The following LRRC41 variants were observed in gnomAD, a reference collection of about 807,000 sequenced individuals.
LRRC41 encodes the protein leucine rich repeat containing 41.
In LRRC41, 17 loss-of-function variants were observed where a neutral mutation model predicts 72.1. The ratio of observed to expected loss-of-function variants is 0.24; its 90% CI spans 0.16 to 0.35. The LOEUF (loss-of-function observed/expected upper bound fraction) is 0.35. LRRC41 is among the 10% of genes least tolerant of loss of function. The pLI, the probability that LRRC41 is intolerant of heterozygous loss-of-function variation, is 1.00. For synonymous variants in LRRC41, 427 were observed against 431.0 expected, an observed-to-expected ratio of 0.99 and a Z score of 0.11; for missense variants, 759 against 1,065.0, an observed-to-expected ratio of 0.71 and a Z score of 4.00.
In LRRC41 at chr1:46,278,666, A is replaced by G; in HGVS notation, c.*199T>C. The G allele has an allele frequency of 1.6e-6, 1 of 628,362 alleles. No individual in the cohort carries two copies. The highest frequency in any genetic ancestry group is 2.8e-6 in the Non-Finnish European group (1 of 361,624). 38.9% of individuals were successfully genotyped at this position (628,362 alleles called of 1,614,324 possible). The stretch of plus-strand genomic sequence containing the variant: ...ATACTGAGTAAGGGGCCCAAAGACT[A>G]TAAACCCAGCTGTGAGAATGCCTGT... On this transcript the variant is annotated 3_prime_UTR_variant, in exon 10 of 10. Coordinates refer to ENST00000617190, the MANE Select transcript of LRRC41 (RefSeq NM_006369.5).
chr1:46,279,320 C>A lies in LRRC41; in HGVS notation c.2144-63G>T. ...AGAACAGGGGACAAGGGTATCCCAA[C>A]CCAACTATGGCTGGCAGAACCAGCC... On this transcript the variant is annotated intron_variant, in intron 8 of 9. Transcript: ENST00000617190. This position sits in a 1 kb window ranked among gnomAD's most constrained non-coding sequence, Gnocchi z 4.5. The A allele has an allele frequency of 6.3e-7, 1 of 1,592,190 alleles. No homozygotes were observed. Among genetic ancestry groups the A allele is most frequent in the Non-Finnish European group, 8.6e-7 (1 of 1,160,140 alleles).
In LRRC41 at chr1:46,285,656, G is replaced by A. The variant is rs371380092; in HGVS notation, c.1201C>T (p.Arg401Cys). The stretch of plus-strand genomic sequence containing the variant: ...TCTGCACCAGGCCCCTGACGGGTGC[G>A]AGCACCCTTCTTCCCTGCAGCTCGC... ...FKRAAGKKGA[R>C]TRQGPGAESE... Residue 401 changes from arginine to cysteine, a missense_variant, in exon 4 of 10, where the codon CGC becomes TGC. Arg to Cys is a radical substitution (Grantham distance 180). Around this residue, in one of 4 missense-constraint regions of LRRC41, gnomAD observed 427 missense variants for 520.9 expected, o/e 0.82. Transcript: ENST00000617190. The surrounding 1 kb of genome is among the most constrained non-coding windows in gnomAD (Gnocchi z 5.3). 9.9e-6 allele frequency: 16 copies of A among 1,613,950 alleles called. No individual in the cohort carries two copies. Among genetic ancestry groups the A allele is most frequent in the African/African-American group, 6.7e-5 (5 of 74,912 alleles).
rs777266639 is a variant in LRRC41, at chr1:46,286,045, C to T, written c.812G>A (p.Arg271Gln). The change falls in exon 4 of 10, where the codon CGA becomes CAA. Residue 271 changes from arginine (R) to glutamine (Q), a missense_variant. Arg to Gln is a conservative substitution (Grantham distance 43). This residue lies in a region of LRRC41 where 427 missense variants were observed against 520.9 expected (regional missense o/e 0.82). Transcript: ENST00000617190. The surrounding 1 kb of genome is among the most constrained non-coding windows in gnomAD (Gnocchi z 5.5). ...TTCATCTCGGGATGGGGCCCGGCCT[C>T]GGGAGGCCTCTCCACAGAGGCGGCA... ...PPCRLCGEAS[R>Q]GRAPSRDEGS... The T allele has an allele frequency of 2.8e-5, 44 of 1,596,682 alleles. No individual in the cohort carries two copies. In the South Asian group the frequency reaches 4.6e-4, roughly 17 times the overall value.
intron 2 of LRRC41, 131 bp downstream of exon 2, chr1:46,298,152 GA>G: frequency 1.6e-6 from 1 of 623,836 alleles, no homozygotes; most frequent in Admixed American, 3.1e-5. Context: ...GAATGAGGAA[GA>G]AAAATAGGTG....
In LRRC41 at chr1:46,278,646, G is replaced by A. The variant is rs989916690; in HGVS notation, c.*219C>T. ...CCTGGCCCAGGGTTCCCAGGATACT[G>A]AGTAAGGGGCCCAAAGACTATAAAC... On this transcript the variant is annotated 3_prime_UTR_variant, in exon 10 of 10. Transcript: ENST00000617190. 1.8e-4 allele frequency: 112 copies of A among 613,964 alleles called. No individual in the cohort carries two copies. The highest frequency in any genetic ancestry group is 2.8e-4 in the Non-Finnish European group (100 of 350,954). The allele number at this position is 613,964 out of a possible 1,614,324, so 38.0% of individuals were successfully genotyped here. A position where few individuals can be genotyped will look rare whatever the true frequency, so the allele number is the denominator to read the frequency against.
chr1:46,279,767 TC>T lies in LRRC41; in HGVS notation c.2021-154del, dbSNP rs2148311311. Among the ~76,000 whole-genome samples, 1 of 152,312 alleles carries T rather than the reference TC, an allele frequency of 6.6e-6. No homozygotes were observed. Among genetic ancestry groups the T allele is most frequent in the Non-Finnish European group, 1.5e-5 (1 of 68,028 alleles). The stretch of plus-strand genomic sequence containing the variant: ...GACTCCAAGCAAGGCTGGAACTAAA[TC>T]AGAATCCAAACTAAAGACTGAACCT... On this transcript the variant is annotated intron_variant, in intron 7 of 9. Transcript: ENST00000617190. This position sits in a 1 kb window ranked among gnomAD's most constrained non-coding sequence, Gnocchi z 4.5.
chr1:46,278,623 TG>T lies in LRRC41; in HGVS notation c.*241del. ...AATTATGATGACCACTGTAACCTCC[TG>T]GCCCAGGGTTCCCAGGATACTGAGT... On this transcript the variant is annotated 3_prime_UTR_variant, in exon 10 of 10. Transcript: ENST00000617190. 1 of 607,348 alleles carries T rather than the reference TG, an allele frequency of 1.6e-6. No individual in the cohort carries two copies. 37.6% of individuals were successfully genotyped at this position (607,348 alleles called of 1,614,324 possible). A position where few individuals can be genotyped will look rare whatever the true frequency, so the allele number is the denominator to read the frequency against.
At chr1:46,283,445 C>T (rs976819984) in intron 4 of LRRC41, among the ~76,000 whole-genome samples, 5 of 152,114 alleles carry the variant, frequency 3.3e-5, no homozygotes, top group African/African-American at 1.2e-4. Flanking sequence ...ATGGGGAAAC[C>T]CTGTCCTTAC....
intron 2 of LRRC41, 115 bp downstream of exon 2, chr1:46,298,169 G>T: frequency 1.4e-6 from 1 of 698,174 alleles, no homozygotes; most frequent in Non-Finnish European, 2.4e-6. Flanking sequence ...AGGTGTGAAG[G>T]TACTTTTTGA....
rs144269448 is a variant in LRRC41, at chr1:46,279,051, C to T, written c.2253G>A (p.Glu751=). ...CCCAGCGCTCCAGCCGCTTGGCGAA[C>T]TCCAGAAGCCCATCTGGCTTGATGC... The part of the protein sequence containing the change: ...SNCIKPDGLL[E]FAKRLERWGR... The change falls in exon 10 of 10, where the codon GAG becomes GAA. Residue 751 remains glutamate (E), a synonymous_variant. Transcript: ENST00000617190. This position sits in a 1 kb window ranked among gnomAD's most constrained non-coding sequence, Gnocchi z 4.5. 2.1e-3 allele frequency: 3,373 copies of T among 1,609,960 alleles called. 5 individuals are homozygous for T. Among genetic ancestry groups the T allele is most frequent in the Non-Finnish European group, 2.8e-3 (3,254 of 1,177,992 alleles).
At chr1:46,290,590 T>A (rs1336221753) in intron 3 of LRRC41, among the ~76,000 whole-genome samples, 1 of 152,068 alleles carries the variant, frequency 6.6e-6, no homozygotes, top group African/African-American at 2.4e-5. Context: ...ATACTTGCTG[T>A]ATTTAATATT....
Position 46,303,192 on chromosome 1 carries a change from G to A in LRRC41, c.131C>T (p.Pro44Leu). 3 of 1,575,902 alleles carry A rather than the reference G, an allele frequency of 1.9e-6. No homozygotes were observed. The highest frequency in any genetic ancestry group is 2.3e-5 in the East Asian group (1 of 43,112). The part of the protein sequence containing the change: ...KSSASGPNAP[P>L]ALFELCGRAV... ...CCGCCCGCACAGCTCGAACAGGGCG[G>A]GGGGAGCGTTGGGGCCCGAGGCCGA... Residue 44 changes from proline to leucine, a missense_variant, in exon 1 of 10, where the codon CCC (proline) becomes CTC (leucine). This residue lies in a region of LRRC41 where 106 missense variants were observed against 66.1 expected (regional missense o/e 1.60). Transcript: ENST00000617190.
chr1:46,298,396 C>T (rs774481459), intron 1 of LRRC41, 26 bp from the exon 2 acceptor site: 2 of 1,470,380 alleles, frequency 1.4e-6, no homozygotes. Flanking sequence ...CAAAAGTTTA[C>T]TTTTCCTCCC....
At chr1:46,294,409 T>C (rs1569659297) in intron 3 of LRRC41, among the ~76,000 whole-genome samples, 1 of 151,542 alleles carries the variant, frequency 6.6e-6, no homozygotes, top group African/African-American at 2.4e-5. Flanking sequence ...CGCCCAGCCC[T>C]TTCTTTCTTT....
intron 3 of LRRC41, among the ~76,000 whole-genome samples, chr1:46,288,890 C>T (rs114973929): frequency 3.1e-3 from 465 of 152,348 alleles, no homozygotes; most frequent in Admixed American, 6.7e-3. Context: ...TTCGGTCCTA[C>T]CTCACACTAG....
chr1:46,286,220 A>G lies in LRRC41; in HGVS notation c.637T>C (p.Ser213Pro). 1 of 1,614,246 alleles carries G rather than the reference A, an allele frequency of 6.2e-7. No homozygotes were observed. The highest frequency in any genetic ancestry group is 8.5e-7 in the Non-Finnish European group (1 of 1,180,036). ...AGCTGATGCAACAGCTGCCGAAGTG[A>G]CTGCTGAGCAGCCACATCAGAGAAC... ...LLFSDVAAQQ[S>P]LRQLLHQLIH... The change falls in exon 4 of 10, where the codon TCA becomes CCA. Residue 213 changes from serine to proline, a missense_variant. Transcript: ENST00000617190. The surrounding 1 kb of genome is among the most constrained non-coding windows in gnomAD (Gnocchi z 5.5).
rs1207793569 is a variant in LRRC41, at chr1:46,302,099, C to A, written c.199+1025G>T. The A allele has an allele frequency of 1.0e-6, 1 of 985,268 alleles. No homozygotes were observed. The highest frequency in any genetic ancestry group is 1.7e-5 in the African/African-American group (1 of 57,250). 61.0% of individuals were successfully genotyped at this position (985,268 alleles called of 1,614,324 possible). On this transcript the variant is annotated intron_variant, in intron 1 of 9. Transcript: ENST00000617190. The surrounding 1 kb of genome is among the most constrained non-coding windows in gnomAD (Gnocchi z 4.7). Reference sequence around the variant, plus strand: ...CCAGCCCAACTGGCCGGTTCGCCCTCCCCGGCCGTTCATCCCGGCGCCCCA... The same window carrying A: ...CCAGCCCAACTGGCCGGTTCGCCCTACCCGGCCGTTCATCCCGGCGCCCCA...
intron 2 of LRRC41, 75 bp downstream of exon 2, chr1:46,298,209 G>A (rs929893793): frequency 1.4e-4 from 143 of 1,049,996 alleles, no homozygotes; most frequent in Non-Finnish European, 8.4e-5. Flanking sequence ...GGTATCAGGG[G>A]TAATATTTAC....
Position 46,279,433 on chromosome 1 carries a change from G to GT in LRRC41, c.2143+58dup, listed in dbSNP as rs1199337952. ...AGAGGTCTTTGCCTTTATCCAGTGA[G>GT]TTTTTAGGTCAAAGGCCTAGCTCCT... On this transcript the variant is annotated intron_variant, in intron 8 of 9. Transcript: ENST00000617190. This position sits in a 1 kb window ranked among gnomAD's most constrained non-coding sequence, Gnocchi z 4.5. The GT allele has an allele frequency of 2.5e-6, 4 of 1,613,334 alleles. No individual in the cohort carries two copies. The highest frequency in any genetic ancestry group is 3.3e-5 in the Admixed American group (2 of 59,978).
Sources: allele counts gnomAD v4.1 joint callset (sites outside exome capture counted in the v4.1 genomes callset), GRCh38; gene constraint gnomAD v4.1.1; regional missense constraint gnomAD v4.1.1; non-coding constraint Gnocchi (gnomAD v3.1); transcripts MANE v1.5; gene names NCBI Gene and HGNC (gene_info 2026-07-23, HGNC 2026-07-21).